The following TUSC3 variants were observed in gnomAD, a reference collection of about 807,000 sequenced individuals.
The protein encoded by TUSC3 is tumor suppressor candidate 3.
In TUSC3, 45 loss-of-function variants were observed where a neutral mutation model predicts 44.8. That is an observed-to-expected ratio of 1.00 (90% CI 0.79 to 1.29). The LOEUF (loss-of-function observed/expected upper bound fraction) is 1.29, where lower values mean the gene tolerates loss of function less well. TUSC3 is among the 50% of genes most tolerant of loss of function. TUSC3 has a pLI of 0.00. For synonymous variants in TUSC3, 212 were observed against 152.9 expected, an observed-to-expected ratio of 1.39 and a Z score of -2.85; for missense variants, 519 against 437.9, an observed-to-expected ratio of 1.19 and a Z score of -1.65.
At chr8:15,663,988 A>G (rs766636223) in intron 5 of TUSC3, among the ~76,000 whole-genome samples, 11 of 151,914 alleles carry the variant, frequency 7.2e-5, no homozygotes, top group East Asian at 3.9e-4. Context: ...ATTACATTCA[A>G]ATAACATTAA....
intron 1 of TUSC3, among the ~76,000 whole-genome samples, chr8:15,449,622 T>A (rs1800166583): frequency 6.6e-6 from 1 of 152,122 alleles, no homozygotes; most frequent in South Asian, 2.1e-4. Flanking sequence ...GGAGGGAGTA[T>A]AATGAGGCGT....
chr8:15,599,509 C>A (rs1228807546), intron 1 of TUSC3, among the ~76,000 whole-genome samples: 1 of 151,640 alleles, frequency 6.6e-6, no homozygotes, highest in East Asian at 1.9e-4. Context: ...CATCGCCATA[C>A]CCAGTTACCT....
chr8:15,622,974 G>A, intron 1 of TUSC3, 106 bp from the exon 2 acceptor site: 3 of 1,111,072 alleles, frequency 2.7e-6, no homozygotes, highest in Admixed American at 2.3e-5. Flanking sequence ...CTATAAACTT[G>A]GATATCATTA....
intron 2 of TUSC3, among the ~76,000 whole-genome samples, chr8:15,523,381 C>A (rs1056594519): frequency 6.6e-6 from 1 of 151,986 alleles, no homozygotes; most frequent in Non-Finnish European, 1.5e-5. Context: ...ATGTGATGTA[C>A]ATTTTGCAGT....
At chr8:15,553,086 G>A (rs907031707) in intron 1 of TUSC3, among the ~76,000 whole-genome samples, 1 of 151,746 alleles carries the variant, frequency 6.6e-6, no homozygotes, top group African/African-American at 2.4e-5. Context: ...TAGGAAACAG[G>A]AGAAGAAAGA....
intron 9 of TUSC3, 102 bp downstream of exon 9, chr8:15,748,567 G>T (rs772681938): frequency 3.4e-6 from 4 of 1,170,520 alleles, no homozygotes; most frequent in Admixed American, 3.4e-5. Flanking sequence ...TTGCTGTGTG[G>T]TTTTTTTAAA....
intron 3 of TUSC3, among the ~76,000 whole-genome samples, chr8:15,657,566 A>G (rs1483728459): frequency 6.6e-6 from 1 of 152,188 alleles, no homozygotes. Context: ...CATTCTGATC[A>G]TAACCACTTA....
chr8:15,730,669 T>C lies in TUSC3; in HGVS notation c.802T>C (p.Tyr268His). Residue 268 changes from tyrosine to histidine, a missense_variant, in exon 7 of 11, where the codon TAC becomes CAC. Tyr to His is a moderately conservative substitution (Grantham distance 83, BLOSUM62 2). Coordinates refer to ENST00000503731, the MANE Select transcript of TUSC3 (RefSeq NM_006765.4). ...TTCTGTTTGTCTTCTTTTATAGAGC[T>C]ACATTCATGGGAGCAGCCAGGCTCA... ...HKNPHNGQVS[Y>H]IHGSSQAQFV... 1 of 1,613,046 alleles carries C rather than the reference T, an allele frequency of 6.2e-7. No homozygotes were observed. Among genetic ancestry groups the C allele is most frequent in the Non-Finnish European group, 8.5e-7 (1 of 1,179,356 alleles).
At chr8:15,684,408 A>C (rs1808543383) in intron 6 of TUSC3, among the ~76,000 whole-genome samples, 1 of 152,050 alleles carries the variant, frequency 6.6e-6, no homozygotes, top group Non-Finnish European at 1.5e-5. Flanking sequence ...CGTGTGTACA[A>C]CTGGTATATT....
chr8:15,508,182 G>A (rs140972001), intron 2 of TUSC3, among the ~76,000 whole-genome samples: 1,619 of 152,294 alleles, frequency 0.011, 28 homozygotes, highest in South Asian at 0.021. Context: ...AGAGGTTGCA[G>A]TGAGCCGATT....
chr8:15,622,721 GCTAGA>G (rs1299423348), intron 1 of TUSC3, among the ~76,000 whole-genome samples: 3 of 152,058 alleles, frequency 2.0e-5, no homozygotes, highest in Non-Finnish European at 4.4e-5. Context: ...GTGATGTTTG[GCTAGA>G]CTAGAGTAGA....
At chr8:15,582,299 G>A (rs762640086) in intron 1 of TUSC3, among the ~76,000 whole-genome samples, 6 of 152,180 alleles carry the variant, frequency 3.9e-5, no homozygotes, top group Non-Finnish European at 5.9e-5. Context: ...GCTGTAGACC[G>A]GAGCTGTTCC....
chr8:15,432,268 T>C (rs1297499570), intron 1 of TUSC3, among the ~76,000 whole-genome samples: 1 of 152,174 alleles, frequency 6.6e-6, no homozygotes, highest in East Asian at 1.9e-4. Context: ...TGAGAGGTTT[T>C]TGATTACTGA....
At chr8:15,683,528 A>G (rs971341192) in intron 6 of TUSC3, among the ~76,000 whole-genome samples, 1 of 151,892 alleles carries the variant, frequency 6.6e-6, no homozygotes, top group Non-Finnish European at 1.5e-5. Context: ...TCTTTGTTGT[A>G]TTTCAAATTT....
chr8:15,793,578 C>G, the TUSC3 span, among the ~76,000 whole-genome samples: 1 of 152,128 alleles, frequency 6.6e-6, no homozygotes, highest in African/African-American at 2.4e-5. Flanking sequence ...CTCTTGCCAG[C>G]TTATTTTTCT....
chr8:15,491,844 A>G (rs1187983249), intron 2 of TUSC3, among the ~76,000 whole-genome samples: 14 of 152,198 alleles, frequency 9.2e-5, no homozygotes, highest in Admixed American at 9.2e-4. Context: ...TTTGATGACA[A>G]CATTCCATAT....
At chr8:15,681,208 T>G (rs962154785) in intron 6 of TUSC3, among the ~76,000 whole-genome samples, 57 of 90,992 alleles carry the variant, frequency 6.3e-4, no homozygotes, top group African/African-American at 2.2e-3. Context: ...CATCTGAGGA[T>G]TCCGTCCTCC....
At chr8:15,821,849 C>A in the TUSC3 span, among the ~76,000 whole-genome samples, 2 of 152,112 alleles carry the variant, frequency 1.3e-5, no homozygotes, top group South Asian at 4.1e-4. Context: ...TGGACTAACA[C>A]CATCAAAGTG....
In TUSC3 at chr8:15,432,191, T is replaced by C. The variant is rs913142623; in HGVS notation, n.91+14886T>C. On this transcript the variant is annotated intron_variant and non_coding_transcript_variant, in intron 1 of 5. Transcript: ENST00000503191. ...AGAGTTGAGAAAGTGTGGCATTCAT[T>C]CTTCTATAACTGTTTGGTAGAATTC... Among the ~76,000 whole-genome samples the C allele has an allele frequency of 2.0e-5, 3 of 152,104 alleles. No homozygotes were observed. The East Asian group carries it at 5.8e-4, about 30-fold the overall frequency.
Sources: gnomAD v4.1 joint callset for allele counts (sites outside exome capture counted in the v4.1 genomes callset) on GRCh38, gnomAD v4.1.1 for gene constraint, MANE v1.5 for transcripts, NCBI Gene and HGNC (gene_info 2026-07-23, HGNC 2026-07-21) for gene names.